TRAPPC3L: variants seen among roughly 807,000 people sequenced by gnomAD.
The protein encoded by TRAPPC3L is trafficking protein particle complex subunit 3-like protein.
A neutral mutation model predicts 23.7 loss-of-function variants in TRAPPC3L; 23 were observed. The observed-to-expected ratio is 0.97, with a 90% confidence interval of 0.70 to 1.37. TRAPPC3L has a LOEUF of 1.37. TRAPPC3L is among the 40% of genes most tolerant of loss of function. The probability of loss-of-function intolerance (pLI) is 0.00; values close to 1 mark genes in which losing one functional copy is unlikely to be tolerated. For synonymous variants in TRAPPC3L, 81 were observed against 77.9 expected, an observed-to-expected ratio of 1.04 and a Z score of -0.21; for missense variants, 212 against 216.8, an observed-to-expected ratio of 0.98 and a Z score of 0.14.
At chr6:116,501,195 C>A (rs954445958) in intron 3 of TRAPPC3L, among the ~76,000 whole-genome samples, 1 of 152,222 alleles carries the variant, frequency 6.6e-6, no homozygotes, top group Non-Finnish European at 1.5e-5. Flanking sequence ...CCCTCCCGAG[C>A]CTGTGACTGG....
At position 116,543,357 on chromosome 6, in the gene TRAPPC3L, T is replaced by TGG; in HGVS notation, c.84_85dup (p.Gln29ProfsTer13). The TGG allele has an allele frequency of 6.5e-7, 1 of 1,550,090 alleles. No homozygotes were observed. The highest frequency in any genetic ancestry group is 8.7e-7 in the Non-Finnish European group (1 of 1,145,794). On this transcript the variant is annotated frameshift_variant, in exon 2 of 5. Transcript: ENST00000368602. LOFTEE classifies it high-confidence loss of function. ...ATCCTTCTCATAATCCTTACACAGC[T>TGG]GGGCAACCAGAGCTCCATAGGTAAG...
At chr6:116,514,524 T>C (rs1772184361) in intron 3 of TRAPPC3L, among the ~76,000 whole-genome samples, 1 of 152,228 alleles carries the variant, frequency 6.6e-6, no homozygotes, top group African/African-American at 2.4e-5. Flanking sequence ...CCAGTATCAT[T>C]TCATTAGGTC....
At chr6:116,512,457 G>C in intron 3 of TRAPPC3L, 1 of 529,282 alleles carries the variant, frequency 1.9e-6, no homozygotes, top group Non-Finnish European at 3.3e-6. Context: ...GTTCTGAAAA[G>C]AAAATATCCA....
At position 116,531,197 on chromosome 6, in the gene TRAPPC3L, G is replaced by A. The variant is rs9488956; in HGVS notation, c.240+9166C>T. Among the ~76,000 whole-genome samples, 745 of 151,970 alleles carry A rather than the reference G, an allele frequency of 4.9e-3. 6 individuals are homozygous for A. Among genetic ancestry groups the A allele is most frequent in the African/African-American group, 0.017 (694 of 41,448 alleles). ...CTAGCATGAAACTCTACTTAACACA[G>A]GGCTAGTGATTGGCTGGACAGGTTA... On this transcript the variant is annotated intron_variant, in intron 3 of 4. Coordinates refer to ENST00000368602, the MANE Select transcript of TRAPPC3L (RefSeq NM_001139444.3).
chr6:116,509,487 C>T (rs1346042659), intron 3 of TRAPPC3L, among the ~76,000 whole-genome samples: 2 of 152,050 alleles, frequency 1.3e-5, no homozygotes, highest in Admixed American at 6.6e-5. Flanking sequence ...AGCACTGGTA[C>T]AAAAGTAGAT....
chr6:116,510,789 T>A (rs1336685997), intron 3 of TRAPPC3L, among the ~76,000 whole-genome samples: 2 of 151,924 alleles, frequency 1.3e-5, no homozygotes, highest in East Asian at 3.9e-4. Flanking sequence ...GATGAATAGA[T>A]AAAGAAACTG....
At chr6:116,521,066 A>G (rs1351646822) in intron 3 of TRAPPC3L, 1 of 151,804 alleles carries the variant, frequency 6.6e-6, no homozygotes, top group African/African-American at 2.4e-5. Context: ...GTATATATAC[A>G]TACATACATA....
At chr6:116,531,540 G>C (rs1310113142) in intron 3 of TRAPPC3L, among the ~76,000 whole-genome samples, 1 of 152,090 alleles carries the variant, frequency 6.6e-6, no homozygotes, top group African/African-American at 2.4e-5. Flanking sequence ...TTCCCATTTT[G>C]GTTCTTTCAT....
intron 3 of TRAPPC3L, 38 bp downstream of exon 3, chr6:116,540,325 T>A: frequency 6.5e-7 from 1 of 1,535,812 alleles, no homozygotes; most frequent in South Asian, 1.2e-5. Flanking sequence ...AATCAGAGAT[T>A]TTTCAAAACA....
Position 116,540,412 on chromosome 6 carries a change from C to T in TRAPPC3L, c.191G>A (p.Cys64Tyr). The change falls in exon 3 of 5, where the codon TGC becomes TAC. Residue 64 changes from cysteine (C) to tyrosine (Y), a missense_variant. Coordinates refer to ENST00000368602, the MANE Select transcript of TRAPPC3L (RefSeq NM_001139444.3). ...RLVEDFLARS[C>Y]VGRCHSYSEI... is the part of the protein sequence containing the mutation. ...TGAATAACTATGGCATCTTCCCACG[C>T]AGGATCGAGCCAAAAAGTCTTCCAC... 6.4e-7 allele frequency: 1 copy of T among 1,551,326 alleles called. No individual in the cohort carries two copies. The highest frequency in any genetic ancestry group is 2.4e-5 in the East Asian group (1 of 40,918).
intron 3 of TRAPPC3L, among the ~76,000 whole-genome samples, chr6:116,533,117 C>G (rs1004704092): frequency 1.3e-5 from 2 of 152,252 alleles, no homozygotes; most frequent in African/African-American, 2.4e-5. Flanking sequence ...TGGGCTTCCA[C>G]GGAAGAAAGT....
rs935549258 is a variant in TRAPPC3L at position 116,545,444 on chromosome 6, G to GA, written c.42+28dup. On this transcript the variant is annotated intron_variant, in intron 1 of 4. Transcript: ENST00000368602. ...TCAAGAAAACATTTTCTCTGAAGTA[G>GA]AAAAAATCTCTTTGTAGAAAGATCT... 163 of 1,530,056 alleles carry GA rather than the reference G, an allele frequency of 1.1e-4. No homozygotes were observed. In the Admixed American group the frequency reaches 3.0e-3, roughly 28 times the overall value. 94.8% of individuals were successfully genotyped at this position (1,530,056 alleles called of 1,614,324 possible).
intron 3 of TRAPPC3L, among the ~76,000 whole-genome samples, chr6:116,534,110 T>G (rs1772922117): frequency 1.5e-5 from 1 of 66,018 alleles, no homozygotes; most frequent in African/African-American, 3.9e-5. Flanking sequence ...TGTAGTGCGT[T>G]TTTTTTTTCC....
chr6:116,526,201 T>C (rs1772437092), intron 3 of TRAPPC3L, among the ~76,000 whole-genome samples: 1 of 152,250 alleles, frequency 6.6e-6, no homozygotes, highest in Non-Finnish European at 1.5e-5. Context: ...AGATGGACTT[T>C]GTTTCAATCA....
chr6:116,505,925 A>T (rs902169697), intron 3 of TRAPPC3L, among the ~76,000 whole-genome samples: 1 of 152,204 alleles, frequency 6.6e-6, no homozygotes, highest in Non-Finnish European at 1.5e-5. Context: ...CTAGAAGAAA[A>T]CCTAGGCAAT....
intron 3 of TRAPPC3L, among the ~76,000 whole-genome samples, chr6:116,526,652 A>T (rs574709443): frequency 1.3e-5 from 2 of 152,282 alleles, no homozygotes; most frequent in South Asian, 4.1e-4. Flanking sequence ...CTTACTTCTG[A>T]CACAAACTAA....
chr6:116,543,800 C>T, intron 1 of TRAPPC3L: 1 of 1,533,242 alleles, frequency 6.5e-7, no homozygotes, highest in Non-Finnish European at 8.7e-7. Context: ...TCTCAGGCGT[C>T]TGCACAATCC....
intron 3 of TRAPPC3L, chr6:116,522,292 T>C (rs967388965): frequency 1.3e-5 from 2 of 152,204 alleles, no homozygotes; most frequent in African/African-American, 2.4e-5. Flanking sequence ...CCATGTCCTA[T>C]CCAACTCCAT....
At chr6:116,532,403 G>A (rs1411893336) in intron 3 of TRAPPC3L, among the ~76,000 whole-genome samples, 2 of 152,104 alleles carry the variant, frequency 1.3e-5, no homozygotes, top group Non-Finnish European at 2.9e-5. Flanking sequence ...CGCCCGGCCG[G>A]TTTTTCTAGT....
Sources: gnomAD v4.1 joint callset for allele counts (sites outside exome capture counted in the v4.1 genomes callset) on GRCh38, gnomAD v4.1.1 for gene constraint, MANE v1.5 for transcripts, NCBI Gene and HGNC (gene_info 2026-07-23, HGNC 2026-07-21) for gene names.